Variants in CCDC191 observed in about 807,000 individuals in gnomAD.
CCDC191 encodes the protein coiled-coil domain containing 191, also known as coiled-coil domain-containing protein 191.
A neutral mutation model predicts 114.0 loss-of-function variants in CCDC191; 99 were observed. That is an observed-to-expected ratio of 0.87 (90% confidence interval 0.74 to 1.03). The LOEUF (loss-of-function observed/expected upper bound fraction) is 1.03. CCDC191 is among the 50% of genes least tolerant of loss of function. The probability of loss-of-function intolerance (pLI) is 0.00; values close to 1 mark genes in which losing one functional copy is unlikely to be tolerated. For synonymous variants in CCDC191, 351 were observed against 376.0 expected (o/e 0.93, Z 0.77); for missense variants, 973 against 1,087.0 (o/e 0.90, Z 1.47).
rs570353644 is a variant in CCDC191 at position 113,997,107 on chromosome 3, G to C, written c.2163+4488C>G. Among the ~76,000 whole-genome samples, 38 of 152,134 alleles carry C rather than the reference G, an allele frequency of 2.5e-4. 1 individual carries two copies. The South Asian group carries it at 3.1e-3, about 12-fold the overall frequency. On this transcript the variant is annotated intron_variant, in intron 13 of 16. Coordinates refer to ENST00000295878, the MANE Select transcript of CCDC191 (RefSeq NM_020817.2). ...GTATTTGGTAATTTTTTTCTCGTTG[G>C]GGTTTGGGTAATCAGTTCTGAAACT...
At chr3:114,042,934 T>C (rs2076582695) in intron 3 of CCDC191, 88 bp from the exon 4 acceptor site, 6 of 1,240,720 alleles carry the variant, frequency 4.8e-6, no homozygotes, top group Non-Finnish European at 4.5e-6. Flanking sequence ...TAAATATTAA[T>C]TGAGTACCTA....
Position 113,965,194 on chromosome 3 carries a change from A to T in CCDC191, c.2772T>A (p.Asp924Glu). 1 of 1,609,904 alleles carries T rather than the reference A, an allele frequency of 6.2e-7. No individual in the cohort carries two copies. Among genetic ancestry groups the T allele is most frequent in the Admixed American group, 1.7e-5 (1 of 59,252 alleles). ...GACTTGTCTTACTCAAGGACCAAGT[A>T]TCTGATTGCTGATATAGCTCGTGGT... ...GRYHELYQQS[D>E]TWSLSKTSLV... Residue 924 changes from aspartate to glutamate, a missense_variant, in exon 17 of 17, where the codon GAT becomes GAA. Transcript: ENST00000295878.
At chr3:113,987,104 G>C (rs2075388503) in intron 13 of CCDC191, among the ~76,000 whole-genome samples, 1 of 141,990 alleles carries the variant, frequency 7.0e-6, no homozygotes. Flanking sequence ...GAAAACAATA[G>C]AGTAACATCA....
Position 114,042,755 on chromosome 3 carries a change from A to C in CCDC191, c.363T>G (p.Ser121Arg). The part of the protein sequence containing the change: ...EEGDAKNTVS[S>R]VTIMPEANGH... ...CATTGGCTTCCGGCATAATAGTGAC[A>C]CTTGACACAGTGTTTTTAGCATCAC... The change falls in exon 4 of 17, where the codon AGT (serine) becomes AGG (arginine). Residue 121 changes from serine to arginine, a missense_variant. By Grantham distance (110) the Ser-to-Arg change is moderately radical. Transcript: ENST00000295878. The C allele has an allele frequency of 6.2e-7, 1 of 1,600,988 alleles. No individual in the cohort carries two copies. Among genetic ancestry groups the C allele is most frequent in the Non-Finnish European group, 8.5e-7 (1 of 1,175,562 alleles).
chr3:114,032,222 G>A (rs1230894110), intron 6 of CCDC191, among the ~76,000 whole-genome samples: 3 of 152,112 alleles, frequency 2.0e-5, no homozygotes, highest in African/African-American at 7.2e-5. Context: ...AAAGAATCAG[G>A]TGTTATTGAA....
chr3:114,009,199 T>G (rs2076024905), intron 9 of CCDC191, among the ~76,000 whole-genome samples: 2 of 152,176 alleles, frequency 1.3e-5, no homozygotes, highest in African/African-American at 4.8e-5. Context: ...TATATACTAG[T>G]GCAGACTTCA....
In CCDC191 at chr3:114,053,653, A is replaced by G. The variant is rs1218183391; in HGVS notation, c.91-18T>C. 5 of 1,551,132 alleles carry G rather than the reference A, an allele frequency of 3.2e-6. No homozygotes were observed. The highest frequency in any genetic ancestry group is 4.4e-6 in the Non-Finnish European group (5 of 1,128,298). On this transcript the variant is annotated intron_variant, in intron 1 of 16. Coordinates refer to ENST00000295878, the MANE Select transcript of CCDC191 (RefSeq NM_020817.2). ...AAAGTAGGCTGTAGATAACATATAT[A>G]TGATATCAATACGCAGCAATATCTT...
In CCDC191 at chr3:114,053,618, G is replaced by T; in HGVS notation, c.108C>A (p.Asp36Glu). ...KPSPKPTFGP[D>E]SVEHWIKRVE... ...TTACCTTTATCCAGTGTTCCACACT[G>T]TCAGGACCAAAAGTAGGCTGTAGAT... Residue 36 changes from aspartate to glutamate, a missense_variant, in exon 2 of 17, where the codon GAC becomes GAA. Coordinates refer to ENST00000295878, the MANE Select transcript of CCDC191 (RefSeq NM_020817.2). The T allele has an allele frequency of 6.3e-7, 1 of 1,588,170 alleles. No individual in the cohort carries two copies. The highest frequency in any genetic ancestry group is 8.6e-7 in the Non-Finnish European group (1 of 1,159,724).
At chr3:113,975,666 G>A (rs1240367061) in intron 16 of CCDC191, among the ~76,000 whole-genome samples, 1 of 152,222 alleles carries the variant, frequency 6.6e-6, no homozygotes, top group African/African-American at 2.4e-5. Context: ...TGGATAGACA[G>A]TGATGCAAGT....
chr3:114,018,671 A>G lies in CCDC191; in HGVS notation c.1163+7T>C. ...ATACTAGATTTTCACAATACAAATA[A>G]TGATACCTGTTTTCTTCCCTAAGAT... On this transcript the variant is annotated splice_region_variant and intron_variant, in intron 8 of 16. Transcript: ENST00000295878. 6.2e-7 allele frequency: 1 copy of G among 1,603,784 alleles called. No homozygotes were observed. Among genetic ancestry groups the G allele is most frequent in the East Asian group, 2.2e-5 (1 of 44,684 alleles).
rs550185073 is a variant in CCDC191 at position 113,979,471 on chromosome 3, A to G, written c.2308-461T>C. On this transcript the variant is annotated intron_variant, in intron 14 of 16. Transcript: ENST00000295878. Reference sequence around the variant, plus strand: ...CTGTCACCAGCATTGAAATTTAGACATTATCAATAAACCACAAAACCATCT... The same window carrying G: ...CTGTCACCAGCATTGAAATTTAGACGTTATCAATAAACCACAAAACCATCT... 2.6e-5 allele frequency among the ~76,000 whole-genome samples: 4 copies of G among 152,364 alleles called. 1 individual carries two copies. The South Asian group carries it at 8.3e-4, about 32-fold the overall frequency.
chr3:113,987,527 C>T (rs2075402710), intron 13 of CCDC191, among the ~76,000 whole-genome samples: 1 of 152,104 alleles, frequency 6.6e-6, no homozygotes. Flanking sequence ...ATAGAAGGTT[C>T]TTTCACTACA....
At chr3:113,972,497 G>A (rs952238033) in intron 16 of CCDC191, among the ~76,000 whole-genome samples, 1 of 152,034 alleles carries the variant, frequency 6.6e-6, no homozygotes, top group African/African-American at 2.4e-5. Context: ...CCTAAGATAT[G>A]GTCTTATTAT....
intron 16 of CCDC191, among the ~76,000 whole-genome samples, chr3:113,966,072 C>A (rs922555838): frequency 1.6e-4 from 25 of 152,132 alleles, no homozygotes; most frequent in Admixed American, 4.6e-4. Context: ...CCAGAAACCA[C>A]AACCCTCAAC....
Position 114,045,049 on chromosome 3 carries a change from C to T in CCDC191, c.271+1542G>A, listed in dbSNP as rs142986154. On this transcript the variant is annotated intron_variant, in intron 3 of 16. Transcript: ENST00000295878. The stretch of plus-strand genomic sequence containing the variant: ...ATCACTAGTTTCTCAGGATAATATA[C>T]AGATTTCAGGATAAAAAGAGGTTCA... Among the ~76,000 whole-genome samples the T allele has an allele frequency of 8.0e-4, 122 of 152,270 alleles. 2 individuals carry two copies. The highest frequency in any genetic ancestry group is 2.8e-3 in the African/African-American group (116 of 41,544).
intron 7 of CCDC191, among the ~76,000 whole-genome samples, chr3:114,023,961 A>T (rs2076281161): frequency 6.6e-6 from 1 of 152,208 alleles, no homozygotes; most frequent in African/African-American, 2.4e-5. Context: ...TACTCATCTG[A>T]CAAAGGGCTA....
Position 114,005,953 on chromosome 3 carries a change from C to G in CCDC191, c.1423G>C (p.Val475Leu). Residue 475 changes from valine to leucine, a missense_variant, in exon 10 of 17, where the codon GTG becomes CTG. Physicochemically the swap from Val to Leu is conservative, Grantham distance 32 (BLOSUM62 1). Transcript: ENST00000295878. ...GGAGGCTTTTCCCACAAAGGGGGCA[C>G]AGCAGTCTCCTGAGAGAGAGAAACA... The part of the protein sequence containing the change: ...PPVKNGQETA[V>L]PPLWEKPPLG... 3.7e-6 allele frequency: 6 copies of G among 1,613,596 alleles called. No homozygotes were observed. The highest frequency in any genetic ancestry group is 4.2e-6 in the Non-Finnish European group (5 of 1,179,642).
chr3:113,982,706 T>C (rs1467321549), intron 13 of CCDC191, among the ~76,000 whole-genome samples: 1 of 151,950 alleles, frequency 6.6e-6, no homozygotes, highest in Non-Finnish European at 1.5e-5. Flanking sequence ...TGTACGCTAC[T>C]CTCCCTTTGT....
intron 7 of CCDC191, 78 bp downstream of exon 7, chr3:114,031,548 T>A: frequency 3.2e-6 from 4 of 1,247,510 alleles, no homozygotes; most frequent in Non-Finnish European, 4.6e-6. Flanking sequence ...ACTTAGTTTT[T>A]ATTTTATCCC....
Sources: gnomAD v4.1 joint callset for allele counts (sites outside exome capture counted in the v4.1 genomes callset) on GRCh38, gnomAD v4.1.1 for gene constraint, MANE v1.5 for transcripts, NCBI Gene and HGNC (gene_info 2026-07-23, HGNC 2026-07-21) for gene names.